Variants in SPAG16 observed in about 807,000 individuals in gnomAD.
The protein encoded by SPAG16 is sperm-associated antigen 16 protein.
SPAG16 carries 86 observed loss-of-function variants against 80.4 expected under a neutral mutation model. The observed-to-expected ratio is 1.07, with a 90% confidence interval of 0.90 to 1.28. The LOEUF is 1.28. Among genes scored for constraint, SPAG16 ranks in the 50% most tolerant of loss-of-function variants. The pLI, the probability that SPAG16 is intolerant of heterozygous loss-of-function variation, is 0.00. For synonymous variants in SPAG16, 294 were observed against 265.9 expected (o/e 1.11, Z -1.03); for missense variants, 870 against 765.3 (o/e 1.14, Z -1.61).
chr2:213,490,110 A>G lies in SPAG16; in HGVS notation c.1070+20A>G. 1.3e-6 allele frequency: 2 copies of G among 1,556,970 alleles called. No individual in the cohort carries two copies. The highest frequency in any genetic ancestry group is 2.3e-5 in the East Asian group (1 of 42,950). On this transcript the variant is annotated intron_variant, in intron 10 of 15. Coordinates refer to ENST00000331683, the MANE Select transcript of SPAG16 (RefSeq NM_024532.5). ...GAGCTGGTAGGATTTTTGATGTTTT[A>G]TTAATACTTTTGAGATTTTATTTTC...
chr2:213,414,121 G>A (rs1374959049), intron 9 of SPAG16, among the ~76,000 whole-genome samples: 2 of 152,152 alleles, frequency 1.3e-5, no homozygotes, highest in African/African-American at 4.8e-5. Flanking sequence ...CTTTTCCAAT[G>A]TAGACAGTAG....
intron 11 of SPAG16, among the ~76,000 whole-genome samples, chr2:213,871,707 G>T (rs556664675): frequency 6.6e-6 from 1 of 151,956 alleles, no homozygotes; most frequent in African/African-American, 2.4e-5. Flanking sequence ...CAAAGATTGG[G>T]TGACTTACTG....
At chr2:213,329,659 C>A (rs533062579) in intron 5 of SPAG16, among the ~76,000 whole-genome samples, 26 of 152,256 alleles carry the variant, frequency 1.7e-4, no homozygotes, top group Admixed American at 1.0e-3. Context: ...AGAAGGAAAT[C>A]CCATTTTCTG....
intron 1 of SPAG16, among the ~76,000 whole-genome samples, chr2:213,292,678 AAAAAAACAAAAAAAAAC>A (rs1559377364): frequency 7.8e-6 from 1 of 128,112 alleles, no homozygotes; most frequent in African/African-American, 2.9e-5. Context: ...AAAAAAAACA[AAAAAAACAAAAAAAAAC>A]AAAACTATCA....
At chr2:214,202,609 G>A (rs533841091) in intron 15 of SPAG16, among the ~76,000 whole-genome samples, 1 of 152,302 alleles carries the variant, frequency 6.6e-6, no homozygotes, top group Admixed American at 6.5e-5. Flanking sequence ...GAGGTAGGGA[G>A]TAGGAGTCAG....
Position 213,317,343 on chromosome 2 carries a change from A to T in SPAG16, c.523A>T (p.Lys175Ter), listed in dbSNP as rs150398419. The T allele has an allele frequency of 5.6e-6, 9 of 1,608,838 alleles. No individual in the cohort carries two copies. In the African/African-American group the frequency reaches 1.1e-4, roughly 19 times the overall value. Residue 175 changes from lysine (K) to a stop codon, truncating the protein, a stop_gained, in exon 5 of 16, where the codon AAA (lysine) becomes TAA (stop). Transcript: ENST00000331683. LOFTEE classifies it high-confidence loss of function. ...TTTAAAGAAAGATTTGAAGCACTAC[A>T]AACAAGCAGCTGAGTATGTTATTTT... ...KNLKKDLKHY[K>*]QAADKAREDL...
intron 10 of SPAG16, among the ~76,000 whole-genome samples, chr2:213,800,426 G>A (rs2071324352): frequency 6.6e-6 from 1 of 150,454 alleles, no homozygotes; most frequent in Non-Finnish European, 1.5e-5. Context: ...GAGTGTGGGG[G>A]CACAATCATA....
At chr2:213,383,533 T>G (rs1375277540) in intron 9 of SPAG16, among the ~76,000 whole-genome samples, 1 of 152,176 alleles carries the variant, frequency 6.6e-6, no homozygotes, top group Non-Finnish European at 1.5e-5. Context: ...TACACTCCAA[T>G]AGAGTGTGTG....
intron 10 of SPAG16, among the ~76,000 whole-genome samples, chr2:213,545,539 C>T (rs749012162): frequency 4.5e-4 from 69 of 152,084 alleles, no homozygotes; most frequent in Non-Finnish European, 8.8e-4. Flanking sequence ...CATCACCAAA[C>T]CCTAGGTCAT....
At chr2:214,362,008 A>C (rs1699218978) in intron 15 of SPAG16, among the ~76,000 whole-genome samples, 1 of 151,934 alleles carries the variant, frequency 6.6e-6, no homozygotes, top group Non-Finnish European at 1.5e-5. Flanking sequence ...TCTGGAGAGA[A>C]GGATTATCAG....
At chr2:213,803,623 G>C (rs931661477) in intron 10 of SPAG16, among the ~76,000 whole-genome samples, 1 of 152,160 alleles carries the variant, frequency 6.6e-6, no homozygotes, top group Non-Finnish European at 1.5e-5. Flanking sequence ...ATCCAGAGCC[G>C]CGAGGTGTTC....
chr2:213,483,326 A>G, intron 9 of SPAG16, among the ~76,000 whole-genome samples: 1 of 152,310 alleles, frequency 6.6e-6, no homozygotes, highest in East Asian at 1.9e-4. Context: ...AATGGACTTA[A>G]TTATGGAAGG....
intron 12 of SPAG16, among the ~76,000 whole-genome samples, chr2:213,982,098 A>T (rs1295187433): frequency 1.3e-5 from 2 of 150,222 alleles, no homozygotes; most frequent in Non-Finnish European, 2.9e-5. Context: ...ATATAAAATG[A>T]TGTTGTTATA....
chr2:213,856,139 T>C (rs535015103), intron 10 of SPAG16, among the ~76,000 whole-genome samples: 3 of 152,162 alleles, frequency 2.0e-5, no homozygotes, highest in Middle Eastern at 3.4e-3. Context: ...ATGGGAGAAA[T>C]TGGCCAAAAC....
intron 10 of SPAG16, among the ~76,000 whole-genome samples, chr2:213,796,823 T>TA (rs199877854): frequency 6.6e-6 from 1 of 151,896 alleles, no homozygotes; most frequent in African/African-American, 2.4e-5. Context: ...TTCTACTTAT[T>TA]AAAAAAAAGT....
At chr2:213,611,335 A>G (rs2061434013) in intron 10 of SPAG16, among the ~76,000 whole-genome samples, 1 of 152,234 alleles carries the variant, frequency 6.6e-6, no homozygotes, top group Admixed American at 6.5e-5. Flanking sequence ...TTAAGTTGAC[A>G]GTCCATTGGT....
chr2:213,524,343 G>T (rs573455364), intron 10 of SPAG16, among the ~76,000 whole-genome samples: 1 of 152,242 alleles, frequency 6.6e-6, no homozygotes, highest in South Asian at 2.1e-4. Flanking sequence ...TGCTGCAGGG[G>T]TGGAGCCCTC....
Position 213,365,938 on chromosome 2 carries a change from C to T in SPAG16, c.832+1793C>T, listed in dbSNP as rs1035032133. Among the ~76,000 whole-genome samples the T allele has an allele frequency of 6.7e-5, 10 of 149,526 alleles. 1 individual carries two copies. The highest frequency in any genetic ancestry group is 6.3e-4 in the South Asian group (3 of 4,768). ...CGGGCGGATCACGAGGTCAGGAGAT[C>T]GAGACCATCCCGGCTAAAACGGTGA... On this transcript the variant is annotated intron_variant, in intron 8 of 15. Transcript: ENST00000331683.
intron 10 of SPAG16, among the ~76,000 whole-genome samples, chr2:213,801,998 A>C (rs183755224): frequency 1.1e-3 from 169 of 152,320 alleles, no homozygotes; most frequent in African/African-American, 3.6e-3. Context: ...GTGTCATTTG[A>C]GGCAAATTAC....
Sources: gnomAD v4.1 joint callset for allele counts (sites outside exome capture counted in the v4.1 genomes callset) on GRCh38, gnomAD v4.1.1 for gene constraint, MANE v1.5 for transcripts, NCBI Gene and HGNC (gene_info 2026-07-23, HGNC 2026-07-21) for gene names.